The following GFRAL variants were observed in gnomAD, a reference collection of about 807,000 sequenced individuals.
GFRAL encodes the protein GDNF family receptor alpha-like.
A neutral mutation model predicts 45.4 loss-of-function variants in GFRAL; 36 were observed. The observed-to-expected ratio is 0.79, with a 90% CI of 0.61 to 1.05. GFRAL has a LOEUF of 1.05. Among genes scored for constraint, GFRAL ranks in the 50% least tolerant of loss-of-function variants. The pLI, the probability that GFRAL is intolerant of heterozygous loss-of-function variation, is 0.00. For missense variants in GFRAL, 507 were observed against 467.5 expected (o/e 1.08, Z -0.78); for synonymous variants, 166 against 154.1 (o/e 1.08, Z -0.57).
intron 6 of GFRAL, among the ~76,000 whole-genome samples, chr6:55,378,272 A>T (rs1034307108): frequency 2.6e-5 from 4 of 152,078 alleles, no homozygotes; most frequent in Non-Finnish European, 4.4e-5. Context: ...GATGGTGGGG[A>T]AGGAAGGCAA....
At chr6:55,397,428 G>A (rs1768841267) in intron 6 of GFRAL, among the ~76,000 whole-genome samples, 1 of 136,048 alleles carries the variant, frequency 7.4e-6, no homozygotes, top group Non-Finnish European at 1.6e-5. Flanking sequence ...TGAGGCAGGA[G>A]AATGGCGTGA....
At chr6:55,377,373 T>C (rs956462880) in intron 6 of GFRAL, among the ~76,000 whole-genome samples, 1 of 151,994 alleles carries the variant, frequency 6.6e-6, no homozygotes, top group South Asian at 2.1e-4. Context: ...CTGACTCACA[T>C]GAAATTTAAT....
At chr6:55,341,514 C>A (rs1284418751) in intron 3 of GFRAL, among the ~76,000 whole-genome samples, 2 of 152,098 alleles carry the variant, frequency 1.3e-5, no homozygotes, top group Non-Finnish European at 2.9e-5. Context: ...ACACCAAAAC[C>A]CCATCTATAC....
intron 6 of GFRAL, among the ~76,000 whole-genome samples, chr6:55,385,350 A>C (rs1454963326): frequency 6.6e-6 from 1 of 152,114 alleles, no homozygotes. Flanking sequence ...ACTGCTGTTG[A>C]AGCTACATTC....
At chr6:55,354,374 A>G (rs1768159978) in intron 5 of GFRAL, among the ~76,000 whole-genome samples, 1 of 151,920 alleles carries the variant, frequency 6.6e-6, no homozygotes, top group African/African-American at 2.4e-5. Context: ...TGGGATAAGC[A>G]CTCAAAAAAC....
At chr6:55,369,272 A>G (rs970579887) in intron 6 of GFRAL, among the ~76,000 whole-genome samples, 1 of 152,182 alleles carries the variant, frequency 6.6e-6, no homozygotes, top group Non-Finnish European at 1.5e-5. Flanking sequence ...GCGCTTCCCA[A>G]GTGAGGCAAT....
chr6:55,381,735 T>C (rs1768610259), intron 6 of GFRAL, among the ~76,000 whole-genome samples: 1 of 151,890 alleles, frequency 6.6e-6, no homozygotes, highest in Non-Finnish European at 1.5e-5. Flanking sequence ...TACTATTATC[T>C]GATCACTGAC....
At chr6:55,391,160 G>A (rs1030588108) in intron 6 of GFRAL, among the ~76,000 whole-genome samples, 5 of 151,868 alleles carry the variant, frequency 3.3e-5, no homozygotes, top group Admixed American at 6.6e-5. Context: ...ACTGTTCTTG[G>A]ATTTGCATAG....
chr6:55,328,778 C>T (rs1480991230), intron 1 of GFRAL, among the ~76,000 whole-genome samples: 1 of 151,908 alleles, frequency 6.6e-6, no homozygotes, highest in African/African-American at 2.4e-5. Flanking sequence ...TAACTTGACA[C>T]CAGGTTGCAT....
At chr6:55,360,902 T>A (rs1768266214) in intron 6 of GFRAL, among the ~76,000 whole-genome samples, 1 of 151,992 alleles carries the variant, frequency 6.6e-6, no homozygotes, top group Non-Finnish European at 1.5e-5. Context: ...AGGTTAATAA[T>A]GATTCAATTT....
chr6:55,329,974 G>C (rs1767809630), intron 1 of GFRAL, among the ~76,000 whole-genome samples: 2 of 152,096 alleles, frequency 1.3e-5, no homozygotes, highest in Admixed American at 1.3e-4. Context: ...GTTATAGCTT[G>C]ACTCTCTTGA....
chr6:55,344,228 A>G (rs1182174734), intron 3 of GFRAL, among the ~76,000 whole-genome samples: 5 of 152,204 alleles, frequency 3.3e-5, no homozygotes, highest in Non-Finnish European at 7.3e-5. Context: ...TGGCAAAGAC[A>G]CAACAAAAAA....
chr6:55,372,253 C>T (rs1010331663), intron 6 of GFRAL, among the ~76,000 whole-genome samples: 6 of 152,166 alleles, frequency 3.9e-5, no homozygotes, highest in Non-Finnish European at 8.8e-5. Context: ...TGTAGATTCT[C>T]TACTAAAGTA....
chr6:55,393,662 A>G (rs1387598116), intron 6 of GFRAL, among the ~76,000 whole-genome samples: 2 of 152,068 alleles, frequency 1.3e-5, no homozygotes, highest in Admixed American at 1.3e-4. Context: ...AGGAAGGAAA[A>G]GAGGCAAGGG....
At chr6:55,339,234 A>G (rs1347608618) in intron 3 of GFRAL, among the ~76,000 whole-genome samples, 3 of 152,188 alleles carry the variant, frequency 2.0e-5, no homozygotes, top group Non-Finnish European at 4.4e-5. Context: ...CCAAGAAATG[A>G]AAAATTGTAC....
intron 3 of GFRAL, among the ~76,000 whole-genome samples, chr6:55,340,788 G>T (rs1297412832): frequency 1.3e-5 from 2 of 152,212 alleles, no homozygotes; most frequent in African/African-American, 4.8e-5. Context: ...GGGAAGTGGT[G>T]ACGGATGGCA....
At chr6:55,363,368 C>T (rs1768303889) in intron 6 of GFRAL, among the ~76,000 whole-genome samples, 1 of 151,644 alleles carries the variant, frequency 6.6e-6, no homozygotes, top group Admixed American at 6.6e-5. Context: ...TTACAGGTTC[C>T]TTTTTAAACT....
At chr6:55,367,670 G>T (rs1768383963) in intron 6 of GFRAL, among the ~76,000 whole-genome samples, 1 of 149,672 alleles carries the variant, frequency 6.7e-6, no homozygotes, top group Non-Finnish European at 1.5e-5. Context: ...TTGCTTGTCT[G>T]TAAAGTATTT....
intron 6 of GFRAL, among the ~76,000 whole-genome samples, chr6:55,365,827 C>T (rs1007982090): frequency 6.7e-6 from 1 of 150,176 alleles, no homozygotes; most frequent in African/African-American, 2.5e-5. Context: ...GGATGTGCTG[C>T]TGGATTCATT....
Sources: gnomAD v4.1 joint callset for allele counts (sites outside exome capture counted in the v4.1 genomes callset) on GRCh38, gnomAD v4.1.1 for gene constraint, MANE v1.5 for transcripts, NCBI Gene and HGNC (gene_info 2026-07-23, HGNC 2026-07-21) for gene names.